The following ZNF568 variants were observed in gnomAD, a reference collection of about 807,000 sequenced individuals.
The protein encoded by ZNF568 is p53 inhibitor of SCO2 activation.
Under a neutral mutation model 18.1 loss-of-function variants are expected in ZNF568, and 11 were observed. The ratio of observed to expected loss-of-function variants is 0.61; its 90% CI spans 0.38 to 1.00. The LOEUF (loss-of-function observed/expected upper bound fraction) is 1.00. ZNF568 is among the 50% of genes least tolerant of loss of function. The probability of loss-of-function intolerance (pLI) is 0.01; values close to 1 mark genes in which losing one functional copy is unlikely to be tolerated. For synonymous variants in ZNF568, 213 were observed against 246.6 expected (o/e 0.86, Z 1.28); for missense variants, 639 against 768.2 (o/e 0.83, Z 1.99).
In ZNF568 at chr19:36,952,040, T is replaced by A. The variant is rs898422703; in HGVS notation, c.*952T>A. ...TCTATGACGTTGAGGCCAAGGAGCT[T>A]TTTTTTTTTTTTTTTCAAGACAAAA... On this transcript the variant is annotated 3_prime_UTR_variant, in exon 7 of 7. Transcript: ENST00000333987. The A allele has an allele frequency of 5.5e-5, 30 of 543,548 alleles. No homozygotes were observed. The highest frequency in any genetic ancestry group is 1.0e-4 in the Admixed American group (1 of 9,542). The allele number at this position is 543,548 out of a possible 1,614,324, so 33.7% of individuals were successfully genotyped here. A position where few individuals can be genotyped will look rare whatever the true frequency, so the allele number is the denominator to read the frequency against.
intron 6 of ZNF568, among the ~76,000 whole-genome samples, chr19:36,944,747 A>T (rs1298648010): frequency 6.6e-6 from 1 of 152,172 alleles, no homozygotes. Flanking sequence ...AGTGACCCTT[A>T]AGGAGTAACA....
At chr19:36,973,336 GT>G (rs1278796595) in intron 6 of ZNF568, 3 of 153,316 alleles carry the variant, frequency 2.0e-5, no homozygotes, top group Non-Finnish European at 4.4e-5. Flanking sequence ...AGGAGCTGGG[GT>G]CGTCTGGAGT....
At chr19:36,997,717 T>G (rs1232217082), downstream of ZNF568, 3 of 796,814 alleles carry the variant, frequency 3.8e-6, no homozygotes, top group Admixed American at 7.6e-5. Context: ...GAGGAGTGAA[T>G]GAAGAAATGA....
intron 7 of ZNF568, among the ~76,000 whole-genome samples, chr19:36,976,866 C>A (rs1045278419): frequency 2.0e-5 from 3 of 151,160 alleles, no homozygotes; most frequent in African/African-American, 7.3e-5. Flanking sequence ...GCCAAGATTG[C>A]GCCATTGCAC....
intron 7 of ZNF568, among the ~76,000 whole-genome samples, chr19:36,978,799 C>CT (rs2074306045): frequency 1.3e-5 from 2 of 152,108 alleles, no homozygotes; most frequent in South Asian, 4.1e-4. Context: ...ATTGCACAGT[C>CT]TATCTCATGC....
At chr19:36,996,611 A>G in exon 5 of ZNF568, 1 of 1,535,558 alleles carries the variant, frequency 6.5e-7, no homozygotes, top group Non-Finnish European at 8.7e-7. Flanking sequence ...GAAATAATTC[A>G]TAATAAGGAA....
chr19:36,979,970 G>A (rs2074318074), downstream of ZNF568: 1 of 152,050 alleles, frequency 6.6e-6, no homozygotes. Flanking sequence ...TACTAAATGA[G>A]GTTGAGCCCC....
chr19:36,959,228 A>G (rs926615236), intron 6 of ZNF568, among the ~76,000 whole-genome samples: 1 of 152,150 alleles, frequency 6.6e-6, no homozygotes, highest in African/African-American at 2.4e-5. Context: ...TTGTGAAAGC[A>G]TGTTGAATTT....
At chr19:36,977,083 C>T (rs1340261602) in intron 7 of ZNF568, among the ~76,000 whole-genome samples, 1 of 152,150 alleles carries the variant, frequency 6.6e-6, no homozygotes, top group Non-Finnish European at 1.5e-5. Context: ...CACAGTTAAT[C>T]TATTTTGTGT....
intron 6 of ZNF568, among the ~76,000 whole-genome samples, chr19:36,961,291 T>A (rs986578740): frequency 5.7e-5 from 5 of 88,066 alleles, no homozygotes; most frequent in African/African-American, 2.6e-4. Flanking sequence ...TTTTTTTTTT[T>A]AACTCTTTTT....
At chr19:36,953,078 T>C (rs1379464473), downstream of ZNF568, among the ~76,000 whole-genome samples, 3 of 152,238 alleles carry the variant, frequency 2.0e-5, no homozygotes, top group Admixed American at 1.3e-4. Flanking sequence ...AAATGTGTTT[T>C]TATTTACTAG....
At chr19:36,972,907 C>G (rs28555503) in intron 6 of ZNF568, among the ~76,000 whole-genome samples, 27,069 of 152,284 alleles carry the variant, frequency 0.18, 2,430 homozygotes, top group African/African-American at 0.21. Flanking sequence ...GCCGCCCCTT[C>G]CCGGGTTTGC....
chr19:36,936,532 G>A (rs2073793198), intron 4 of ZNF568: 2 of 348,602 alleles, frequency 5.7e-6, no homozygotes, highest in Non-Finnish European at 1.0e-5. Flanking sequence ...TTTACCTGGA[G>A]TTCATTGAGC....
intron 6 of ZNF568, among the ~76,000 whole-genome samples, chr19:36,962,105 T>C (rs1368411304): frequency 7.1e-6 from 1 of 141,184 alleles, no homozygotes; most frequent in Non-Finnish European, 1.5e-5. Flanking sequence ...ATGCCCAGGC[T>C]TTTTTGTTGT....
At chr19:36,991,716 C>G in intron 3 of ZNF568, 1 of 1,498,570 alleles carries the variant, frequency 6.7e-7, no homozygotes, top group Admixed American at 2.2e-5. Flanking sequence ...TTCTGACACC[C>G]ACAACAAAAC....
chr19:36,945,771 G>C, intron 6 of ZNF568, among the ~76,000 whole-genome samples: 1 of 151,802 alleles, frequency 6.6e-6, no homozygotes, highest in Non-Finnish European at 1.5e-5. Flanking sequence ...GTATGTATGT[G>C]TGTGTGTTTT....
intron 3 of ZNF568, among the ~76,000 whole-genome samples, chr19:36,924,328 C>T (rs2073509819): frequency 6.6e-6 from 1 of 151,696 alleles, no homozygotes; most frequent in Non-Finnish European, 1.5e-5. Flanking sequence ...AAGCGATTCT[C>T]CTGCCTCAGC....
chr19:36,977,957 C>T (rs2074299273), intron 7 of ZNF568, among the ~76,000 whole-genome samples: 1 of 152,222 alleles, frequency 6.6e-6, no homozygotes, highest in African/African-American at 2.4e-5. Flanking sequence ...TCTGGTCTCC[C>T]CAACATCCAG....
At chr19:36,925,109 T>C in intron 3 of ZNF568, 91 bp from the exon 4 acceptor site, 1 of 1,085,530 alleles carries the variant, frequency 9.2e-7, no homozygotes. Context: ...CATTCATCTG[T>C]AGAGGGTCTT....
Sources: allele counts gnomAD v4.1 joint callset (sites outside exome capture counted in the v4.1 genomes callset), GRCh38; gene constraint gnomAD v4.1.1; transcripts MANE v1.5; gene names NCBI Gene and HGNC (gene_info 2026-07-23, HGNC 2026-07-21).